The following MAGI3 variants were observed in gnomAD, a reference collection of about 807,000 sequenced individuals.
The protein encoded by MAGI3 is membrane-associated guanylate kinase, WW and PDZ domain-containing protein 3.
MAGI3 carries 43 observed loss-of-function variants against 121.8 expected under a neutral mutation model. The ratio of observed to expected loss-of-function variants is 0.35; its 90% CI spans 0.28 to 0.46. The LOEUF is 0.46. Ranked by LOEUF, MAGI3 falls within the 20% of genes least tolerant of loss-of-function variation. The probability of loss-of-function intolerance (pLI) is 1.00; values close to 1 mark genes in which losing one functional copy is unlikely to be tolerated. For synonymous variants in MAGI3, 553 were observed against 639.3 expected (o/e 0.86, Z 2.04); for missense variants, 1,547 against 1,797.3 (o/e 0.86, Z 2.52).
intron 15 of MAGI3, among the ~76,000 whole-genome samples, chr1:113,655,242 T>C (rs1171917783): frequency 6.6e-6 from 1 of 152,190 alleles, no homozygotes; most frequent in Non-Finnish European, 1.5e-5. Flanking sequence ...GATAATGATA[T>C]TGTCATTCTC....
intron 1 of MAGI3, among the ~76,000 whole-genome samples, chr1:113,539,162 G>T (rs1659149469): frequency 1.3e-5 from 2 of 152,092 alleles, no homozygotes; most frequent in Non-Finnish European, 2.9e-5. Context: ...TGGGAGGCCA[G>T]GGCGGGTGGA....
chr1:113,454,506 T>C (rs930574069), intron 1 of MAGI3, among the ~76,000 whole-genome samples: 1 of 152,196 alleles, frequency 6.6e-6, no homozygotes, highest in African/African-American at 2.4e-5. Flanking sequence ...TATTTATTTA[T>C]TTTATTATAC....
intron 1 of MAGI3, among the ~76,000 whole-genome samples, chr1:113,437,806 T>TTTCTTCTTCTTCTTCTTC (rs759591213): frequency 3.3e-5 from 4 of 119,582 alleles, no homozygotes; most frequent in South Asian, 3.1e-4. Context: ...TCTTTCTTCT[T>TTTCTTCTTCTTCTTCTTC]TTCTTCTTCT....
intron 20 of MAGI3, chr1:113,682,176 T>TC (rs397981330): frequency 4.1e-4 from 645 of 1,570,812 alleles, no homozygotes; most frequent in South Asian, 7.5e-4. Flanking sequence ...TTTTTTTTTT[T>TC]CACATAGTCC....
At chr1:113,414,784 G>A (rs1431926314) in intron 1 of MAGI3, among the ~76,000 whole-genome samples, 1 of 151,842 alleles carries the variant, frequency 6.6e-6, no homozygotes, top group African/African-American at 2.4e-5. Context: ...AAATAAAATA[G>A]TTACATTTAC....
At chr1:113,527,208 T>C (rs1351878147) in intron 1 of MAGI3, among the ~76,000 whole-genome samples, 1 of 152,028 alleles carries the variant, frequency 6.6e-6, no homozygotes, top group East Asian at 1.9e-4. Context: ...AAAATGGCAG[T>C]TGAGGTGAAT....
At chr1:113,480,446 G>A (rs1005653739) in intron 1 of MAGI3, among the ~76,000 whole-genome samples, 4 of 152,068 alleles carry the variant, frequency 2.6e-5, no homozygotes, top group African/African-American at 2.4e-5. Flanking sequence ...GAGAGCTGAC[G>A]TGGCAGTGGA....
In MAGI3 at chr1:113,643,782, T is replaced by C. The variant is rs1353547854; in HGVS notation, c.1998+8T>C. ...ACCAAAACTGCCAAAATGGTGAGTA[T>C]ACACTGGTCCTCAAATCTTTTCCCC... On this transcript the variant is annotated splice_region_variant and intron_variant, in intron 11 of 20. Coordinates refer to ENST00000307546, the MANE Select transcript of MAGI3 (RefSeq NM_001142782.2). 1.9e-6 allele frequency: 3 copies of C among 1,612,820 alleles called. No individual in the cohort carries two copies. In the African/African-American group the frequency reaches 4.0e-5, roughly 22 times the overall value.
intron 1 of MAGI3, among the ~76,000 whole-genome samples, chr1:113,542,451 G>C (rs1659334463): frequency 6.6e-6 from 1 of 152,168 alleles, no homozygotes; most frequent in African/African-American, 2.4e-5. Flanking sequence ...CTGACTGTGG[G>C]TAACTGAAAC....
intron 9 of MAGI3, among the ~76,000 whole-genome samples, chr1:113,628,212 G>T (rs940989818): frequency 4.6e-5 from 7 of 151,800 alleles, no homozygotes; most frequent in Admixed American, 3.9e-4. Flanking sequence ...TTACCAGGAC[G>T]CTAGAAAATA....
intron 1 of MAGI3, among the ~76,000 whole-genome samples, chr1:113,457,943 G>A (rs61819362): frequency 3.0e-4 from 46 of 152,154 alleles, no homozygotes; most frequent in Non-Finnish European, 5.3e-4. Context: ...TAAATTCAGG[G>A]ACAGAAAGGA....
rs1369150020 is a variant in MAGI3 at position 113,672,470 on chromosome 1, GA to G, written c.2919-144del. Reference sequence around the variant, plus strand: ...GTTTCTCCTAGCACCCCTCTGATCTGATTTTAGATATAGTCTGTCTTCATAG... The same window carrying G: ...GTTTCTCCTAGCACCCCTCTGATCTGTTTTAGATATAGTCTGTCTTCATAG... On this transcript the variant is annotated intron_variant, in intron 17 of 20. Coordinates refer to ENST00000307546, the MANE Select transcript of MAGI3 (RefSeq NM_001142782.2). 39 of 616,740 alleles carry G rather than the reference GA, an allele frequency of 6.3e-5. No homozygotes were observed. The African/African-American group carries it at 7.5e-4, about 12-fold the overall frequency. 38.2% of individuals were successfully genotyped at this position (616,740 alleles called of 1,614,324 possible). A position where few individuals can be genotyped will look rare whatever the true frequency, so the allele number is the denominator to read the frequency against.
intron 9 of MAGI3, among the ~76,000 whole-genome samples, chr1:113,623,550 C>T (rs189026692): frequency 6.6e-5 from 10 of 150,940 alleles, no homozygotes; most frequent in Admixed American, 1.3e-4. Flanking sequence ...TGCAGTGGCG[C>T]GATCTCGGCT....
chr1:113,684,297 A>AAATGACAT lies in MAGI3; in HGVS notation c.*285_*292dup, dbSNP rs1425450909. 1 of 254,240 alleles carries AAATGACAT rather than the reference A, an allele frequency of 3.9e-6. No homozygotes were observed. The highest frequency in any genetic ancestry group is 2.2e-5 in the African/African-American group (1 of 44,650). 15.7% of individuals were successfully genotyped at this position (254,240 alleles called of 1,614,324 possible). On this transcript the variant is annotated 3_prime_UTR_variant, in exon 21 of 21. Coordinates refer to ENST00000307546, the MANE Select transcript of MAGI3 (RefSeq NM_001142782.2). ...AGCTCGTCTTCATGAGTGTCTGAAC[A>AAATGACAT]AATGACATATGTTGATATTAACAAT...
At chr1:113,516,567 G>A (rs147746490) in intron 1 of MAGI3, among the ~76,000 whole-genome samples, 35 of 151,972 alleles carry the variant, frequency 2.3e-4, no homozygotes, top group African/African-American at 7.0e-4. Flanking sequence ...ATATCCATGA[G>A]CCCATATTGA....
Position 113,556,381 on chromosome 1 carries a change from T to C in MAGI3, c.433+6750T>C, listed in dbSNP as rs192292740. Reference sequence around the variant, plus strand: ...CGGGTGCAGTGGCTCATGCCTGTAATCCCAGTGCTTTGGGAGGCTGAAGCA... The same window carrying C: ...CGGGTGCAGTGGCTCATGCCTGTAACCCCAGTGCTTTGGGAGGCTGAAGCA... On this transcript the variant is annotated intron_variant, in intron 2 of 20. Transcript: ENST00000307546. Among the ~76,000 whole-genome samples the C allele has an allele frequency of 4.8e-3, 733 of 152,170 alleles. 1 individual carries two copies. Among genetic ancestry groups the C allele is most frequent in the Non-Finnish European group, 8.4e-3 (572 of 67,992 alleles).
At chr1:113,620,226 A>G (rs1340208594) in intron 8 of MAGI3, among the ~76,000 whole-genome samples, 1 of 152,220 alleles carries the variant, frequency 6.6e-6, no homozygotes, top group Non-Finnish European at 1.5e-5. Flanking sequence ...ACCAATATTA[A>G]TAAATACTAA....
At chr1:113,407,208 G>A (rs985176266) in intron 1 of MAGI3, among the ~76,000 whole-genome samples, 1 of 152,074 alleles carries the variant, frequency 6.6e-6, no homozygotes. Flanking sequence ...GTGGAAGGAG[G>A]GCAAGAGTGG....
intron 1 of MAGI3, among the ~76,000 whole-genome samples, chr1:113,474,052 G>A (rs1003917496): frequency 6.6e-6 from 1 of 152,172 alleles, no homozygotes. Flanking sequence ...TCTGTTGGGT[G>A]CATAGATGTC....
Sources: gnomAD v4.1 joint callset for allele counts (sites outside exome capture counted in the v4.1 genomes callset) on GRCh38, gnomAD v4.1.1 for gene constraint, MANE v1.5 for transcripts, NCBI Gene and HGNC (gene_info 2026-07-23, HGNC 2026-07-21) for gene names.